The following UBR1 variants were observed in gnomAD, a reference collection of about 807,000 sequenced individuals.
UBR1 encodes the protein E3 ubiquitin-protein ligase UBR1.
A neutral mutation model predicts 242.1 loss-of-function variants in UBR1; 102 were observed. That is an observed-to-expected ratio of 0.42 (90% CI 0.36 to 0.50). UBR1 has a LOEUF of 0.50. Ranked by LOEUF, UBR1 falls within the 20% of genes least tolerant of loss-of-function variation. The pLI is 0.01. For missense variants in UBR1, 1,772 were observed against 2,101.8 expected (o/e 0.84, Z 3.07); for synonymous variants, 675 against 684.8 (o/e 0.99, Z 0.22).
At chr15:42,987,402 TAGGAA>T (rs895649031) in intron 35 of UBR1, among the ~76,000 whole-genome samples, 1 of 152,108 alleles carries the variant, frequency 6.6e-6, no homozygotes, top group Non-Finnish European at 1.5e-5. Flanking sequence ...TGATAGTATG[TAGGAA>T]GGCTTTGGGA....
chr15:43,068,608 G>A (rs571613487), intron 5 of UBR1, among the ~76,000 whole-genome samples: 12 of 151,468 alleles, frequency 7.9e-5, no homozygotes, highest in Non-Finnish European at 1.6e-4. Flanking sequence ...TTCAGTGACC[G>A]TATGTTTTTG....
At chr15:42,946,989 A>C (rs542524024) in intron 46 of UBR1, among the ~76,000 whole-genome samples, 2 of 152,220 alleles carry the variant, frequency 1.3e-5, no homozygotes, top group South Asian at 2.1e-4. Flanking sequence ...CACTACTAAA[A>C]ATACAAAAAA....
rs1237826744 is a variant in UBR1 at position 43,075,042 on chromosome 15, C to T, written c.465G>A (p.Glu155=). Residue 155 remains glutamate (E), a synonymous_variant, in exon 4 of 47, where the codon GAG becomes GAA. Transcript: ENST00000290650. The stretch of plus-strand genomic sequence containing the variant: ...CACAAAAAGGGCCAGTTTTCCATGC[C>T]TCTGTGTCTCCACAGTCACAGAACC... ...GGGFCDCGDT[E]AWKTGPFCVN... 6 of 1,613,992 alleles carry T rather than the reference C, an allele frequency of 3.7e-6. No individual in the cohort carries two copies. In the East Asian group the frequency reaches 6.7e-5, roughly 18 times the overall value.
chr15:43,014,118 G>A (rs1228588964), intron 29 of UBR1, among the ~76,000 whole-genome samples: 2 of 152,270 alleles, frequency 1.3e-5, no homozygotes, highest in Non-Finnish European at 2.9e-5. Flanking sequence ...TCCTAACCGC[G>A]AGTGATCCGC....
intron 19 of UBR1, among the ~76,000 whole-genome samples, chr15:43,035,329 G>T (rs2033318826): frequency 6.6e-6 from 1 of 152,102 alleles, no homozygotes; most frequent in Admixed American, 6.5e-5. Context: ...AGATTAAAAA[G>T]ATTATATATG....
rs745591226 is a variant in UBR1 at position 43,070,879 on chromosome 15, T to C, written c.575A>G (p.Lys192Arg). The C allele has an allele frequency of 3.1e-6, 5 of 1,613,748 alleles. No homozygotes were observed. The African/African-American group carries it at 5.3e-5, about 17-fold the overall frequency. The change falls in exon 5 of 47, where the codon AAA becomes AGA. Residue 192 changes from lysine to arginine, a missense_variant. Lys to Arg is a conservative substitution (Grantham distance 26). Transcript: ENST00000290650. ...ATATTTTATCACTGAAGGAAATATTTTCCTGGCTTGGACAATTACCTCTTC... is the reference window on the plus strand; with the variant it reads ...ATATTTTATCACTGAAGGAAATATTCTCCTGGCTTGGACAATTACCTCTTC... ...LNEEVIVQAR[K>R]IFPSVIKYVV...
intron 6 of UBR1, among the ~76,000 whole-genome samples, chr15:43,065,971 T>C (rs2033747712): frequency 6.6e-6 from 1 of 152,258 alleles, no homozygotes; most frequent in African/African-American, 2.4e-5. Context: ...TTTAGTTTAA[T>C]TAGATCCCAT....
chr15:43,064,184 A>T (rs1244817613), intron 6 of UBR1, among the ~76,000 whole-genome samples: 1 of 152,238 alleles, frequency 6.6e-6, no homozygotes, highest in Non-Finnish European at 1.5e-5. Flanking sequence ...AATCTTTGAT[A>T]AACTATTATT....
chr15:43,087,188 G>A (rs879325417), intron 1 of UBR1, among the ~76,000 whole-genome samples: 23 of 151,994 alleles, frequency 1.5e-4, no homozygotes, highest in Non-Finnish European at 2.9e-4. Context: ...GGTGGATCAC[G>A]AGGTCAGGAG....
At chr15:43,027,861 T>G (rs1411255218) in intron 21 of UBR1, 33 bp from the exon 22 acceptor site, 2 of 1,540,572 alleles carry the variant, frequency 1.3e-6, no homozygotes. Context: ...ATTTTTACCT[T>G]CATATAATGA....
rs766535687 is a variant in UBR1 at position 43,021,263 on chromosome 15, T to C, written c.2940+12A>G. The C allele has an allele frequency of 6.2e-7, 1 of 1,611,066 alleles. No homozygotes were observed. Among genetic ancestry groups the C allele is most frequent in the Admixed American group, 1.7e-5 (1 of 60,012 alleles). On this transcript the variant is annotated intron_variant, in intron 27 of 46. Coordinates refer to ENST00000290650, the MANE Select transcript of UBR1 (RefSeq NM_174916.3). ...TAAACCAAGATATGATCACTTTACT[T>C]TTTTAGTTTACCTGAAGTATCCACG...
At chr15:43,049,823 T>C (rs1567136886) in intron 12 of UBR1, among the ~76,000 whole-genome samples, 1 of 152,200 alleles carries the variant, frequency 6.6e-6, no homozygotes, top group Non-Finnish European at 1.5e-5. Flanking sequence ...GGCATTCATG[T>C]TTTGTTGCTT....
At chr15:43,070,320 AG>A (rs1234015352) in intron 5 of UBR1, among the ~76,000 whole-genome samples, 4 of 150,712 alleles carry the variant, frequency 2.7e-5, no homozygotes, top group Non-Finnish European at 4.4e-5. Flanking sequence ...ACCAAGGCAC[AG>A]GGGAAAGGGC....
intron 10 of UBR1, among the ~76,000 whole-genome samples, chr15:43,057,561 G>A (rs2033633102): frequency 6.6e-6 from 1 of 152,168 alleles, no homozygotes; most frequent in Non-Finnish European, 1.5e-5. Context: ...AGTAAGGTAA[G>A]AGATACACGA....
rs776268861 is a variant in UBR1, at chr15:42,998,224, C to A, written c.3701G>T (p.Arg1234Leu). The stretch of plus-strand genomic sequence containing the variant: ...TCTGGCCAGAACAGTCTGTATCCAC[C>A]GTGCCAGGGTCAAAAGTTGAGCAAG... ...DALAQLLTLA[R>L]WIQTVLARIS... is the part of the protein sequence containing the mutation. Residue 1234 changes from arginine to leucine, a missense_variant, in exon 33 of 47, where the codon CGG (arginine) becomes CTG (leucine). By Grantham distance (102) the Arg-to-Leu change is moderately radical. This residue lies in a region of UBR1 where 965 missense variants were observed against 1,079.7 expected (regional missense o/e 0.89). Coordinates refer to ENST00000290650, the MANE Select transcript of UBR1 (RefSeq NM_174916.3). 1.2e-6 allele frequency: 2 copies of A among 1,613,884 alleles called. No homozygotes were observed. The highest frequency in any genetic ancestry group is 1.1e-5 in the South Asian group (1 of 91,066).
intron 1 of UBR1, among the ~76,000 whole-genome samples, chr15:43,105,294 ATCTGTG>A (rs1342957937): frequency 6.6e-6 from 1 of 152,154 alleles, no homozygotes; most frequent in Non-Finnish European, 1.5e-5. Context: ...TTTGTTCACT[ATCTGTG>A]CCTTCCCATT....
At chr15:42,946,411 C>A (rs1048405601) in intron 46 of UBR1, among the ~76,000 whole-genome samples, 49 of 152,216 alleles carry the variant, frequency 3.2e-4, no homozygotes, top group African/African-American at 1.1e-3. Context: ...CAGGCGTGAA[C>A]CACCGCGGCC....
chr15:42,991,791 A>C (rs1038568892), intron 33 of UBR1, among the ~76,000 whole-genome samples: 5 of 151,976 alleles, frequency 3.3e-5, no homozygotes, highest in Non-Finnish European at 7.4e-5. Context: ...CCCAGGCTGG[A>C]CTGCAGTGGC....
chr15:42,963,743 G>A (rs1233371587), intron 42 of UBR1, among the ~76,000 whole-genome samples, 192 bp downstream of exon 42: 3 of 143,900 alleles, frequency 2.1e-5, no homozygotes, highest in Non-Finnish European at 4.5e-5. Context: ...TTATAGTGGA[G>A]CAAGCAGAAA....
Sources: allele counts gnomAD v4.1 joint callset (sites outside exome capture counted in the v4.1 genomes callset), GRCh38; gene constraint gnomAD v4.1.1; regional missense constraint gnomAD v4.1.1; transcripts MANE v1.5; gene names NCBI Gene and HGNC (gene_info 2026-07-23, HGNC 2026-07-21).